MYO6: variants seen among roughly 807,000 people sequenced by gnomAD.
MYO6 encodes the protein unconventional myosin-VI.
MYO6 carries 74 observed loss-of-function variants against 178.7 expected under a neutral mutation model. The observed-to-expected ratio is 0.41, with a 90% CI of 0.34 to 0.50. The LOEUF (loss-of-function observed/expected upper bound fraction) is 0.50, where lower values mean the gene tolerates loss of function less well. MYO6 is among the 20% of genes least tolerant of loss of function. The pLI, the probability that MYO6 is intolerant of heterozygous loss-of-function variation, is 0.09. For synonymous variants in MYO6, 477 were observed against 504.6 expected (o/e 0.95, Z 0.73); for missense variants, 1,330 against 1,547.4 (o/e 0.86, Z 2.36).
intron 5 of MYO6, among the ~76,000 whole-genome samples, 172 bp downstream of exon 5, chr6:75,830,717 G>A (rs977872040): frequency 2.6e-5 from 4 of 152,208 alleles, no homozygotes; most frequent in African/African-American, 9.6e-5. Flanking sequence ...TACACAGGGT[G>A]AGGAAGAATA....
intron 20 of MYO6, among the ~76,000 whole-genome samples, chr6:75,874,539 A>T (rs1182287474): frequency 3.3e-5 from 5 of 152,072 alleles, no homozygotes; most frequent in Non-Finnish European, 7.4e-5. Context: ...TCTGCCTACC[A>T]CTTAACCTTC....
intron 1 of MYO6, among the ~76,000 whole-genome samples, chr6:75,764,622 GGATCTCA>G (rs1778244181): frequency 6.6e-6 from 1 of 152,000 alleles, no homozygotes; most frequent in Non-Finnish European, 1.5e-5. Flanking sequence ...TTTGATCAGT[GGATCTCA>G]GGTCTCAGGA....
intron 14 of MYO6, among the ~76,000 whole-genome samples, chr6:75,859,502 T>G (rs1195723827): frequency 6.6e-6 from 1 of 150,954 alleles, no homozygotes; most frequent in Non-Finnish European, 1.5e-5. Flanking sequence ...GTTTCACAAT[T>G]TTGGCTAGGC....
intron 1 of MYO6, among the ~76,000 whole-genome samples, chr6:75,778,630 C>G (rs1209385030): frequency 6.6e-6 from 1 of 151,574 alleles, no homozygotes; most frequent in Non-Finnish European, 1.5e-5. Context: ...CTGCCTTTTT[C>G]TAATTTCCCG....
At chr6:75,769,844 G>A (rs1257780267) in intron 1 of MYO6, among the ~76,000 whole-genome samples, 1 of 152,172 alleles carries the variant, frequency 6.6e-6, no homozygotes, top group African/African-American at 2.4e-5. Flanking sequence ...AGGTTTCAGT[G>A]AGCTGAGATC....
chr6:75,914,472 T>G (rs1300439505), intron 34 of MYO6, among the ~76,000 whole-genome samples, 191 bp downstream of exon 34: 1 of 152,232 alleles, frequency 6.6e-6, no homozygotes, highest in Non-Finnish European at 1.5e-5. Context: ...TTGGATTAAA[T>G]TATGTTCTTA....
rs1321917038 is a variant in MYO6 at position 75,917,632 on chromosome 6, T to C, written c.*2620T>C. 6.6e-6 allele frequency: 1 copy of C among 152,312 alleles called. No individual in the cohort carries two copies. Among genetic ancestry groups the C allele is most frequent in the Non-Finnish European group, 1.5e-5 (1 of 68,044 alleles). The allele number at this position is 152,312 out of a possible 1,614,324, so 9.4% of individuals were successfully genotyped here. ...GGGCCACACAAAGGCATTCTATTGT[T>C]ATGCTCATTCTGCTTCTGTAATGAC... On this transcript the variant is annotated 3_prime_UTR_variant, in exon 35 of 35. Transcript: ENST00000369977.
chr6:75,915,269 CT>C lies in MYO6; in HGVS notation c.*258del. 4.0e-6 allele frequency: 2 copies of C among 505,686 alleles called. No individual in the cohort carries two copies. The highest frequency in any genetic ancestry group is 3.6e-6 in the Non-Finnish European group (1 of 278,380). 31.3% of individuals were successfully genotyped at this position (505,686 alleles called of 1,614,324 possible). On this transcript the variant is annotated 3_prime_UTR_variant, in exon 35 of 35. Transcript: ENST00000369977. ...TCTAACTATTACACATGGGCATATT[CT>C]GATGTTTCTCATCCTTTGCCAGAAG...
intron 1 of MYO6, among the ~76,000 whole-genome samples, chr6:75,758,563 C>A (rs1254642912): frequency 6.6e-6 from 1 of 151,968 alleles, no homozygotes; most frequent in Admixed American, 6.6e-5. Context: ...TGGGTTCACG[C>A]CATTCTCCTG....
intron 20 of MYO6, among the ~76,000 whole-genome samples, chr6:75,873,877 C>T (rs1201113104): frequency 5.9e-5 from 9 of 152,162 alleles, no homozygotes; most frequent in Non-Finnish European, 1.2e-4. Context: ...CTTCCTACCC[C>T]TCACCCTGCC....
At chr6:75,753,455 G>GTGTGTGTGTGTGTA (rs370647728) in intron 1 of MYO6, among the ~76,000 whole-genome samples, 70 of 140,050 alleles carry the variant, frequency 5.0e-4, no homozygotes, top group African/African-American at 1.8e-3. Flanking sequence ...GTGTGTGTGT[G>GTGTGTGTGTGTGTA]TATATATATA....
chr6:75,827,571 G>C (rs1436399361), intron 3 of MYO6, among the ~76,000 whole-genome samples: 1 of 152,142 alleles, frequency 6.6e-6, no homozygotes, highest in Non-Finnish European at 1.5e-5. Flanking sequence ...CTGGATTAGA[G>C]AGGAGAGAGA....
chr6:75,849,922 G>C (rs1260356323), intron 11 of MYO6, among the ~76,000 whole-genome samples: 3 of 152,056 alleles, frequency 2.0e-5, no homozygotes, highest in Admixed American at 6.6e-5. Flanking sequence ...TTGGAATTAG[G>C]AGCATAGATA....
At position 75,805,432 on chromosome 6, in the gene MYO6, A is replaced by G. The variant is rs1029177819; in HGVS notation, c.-47-12069A>G. On this transcript the variant is annotated intron_variant, in intron 1 of 34. Transcript: ENST00000369977. ...GTATTTAATACATAGATGTTATTGGAGTTATCATTGGAGATGCAGATAAAA... is the reference window on the plus strand; with the variant it reads ...GTATTTAATACATAGATGTTATTGGGGTTATCATTGGAGATGCAGATAAAA... 5.9e-5 allele frequency among the ~76,000 whole-genome samples: 9 copies of G among 152,158 alleles called. 1 individual carries two copies. Among genetic ancestry groups the G allele is most frequent in the Admixed American group, 2.6e-4 (4 of 15,272 alleles).
chr6:75,848,927 C>G (rs1774994561), intron 11 of MYO6, among the ~76,000 whole-genome samples: 1 of 151,822 alleles, frequency 6.6e-6, no homozygotes, highest in Middle Eastern at 3.2e-3. Flanking sequence ...TTAATTAGGG[C>G]AATTTAATAT....
chr6:75,839,650 G>A (rs1774016151), intron 7 of MYO6, among the ~76,000 whole-genome samples: 1 of 152,116 alleles, frequency 6.6e-6, no homozygotes, highest in Non-Finnish European at 1.5e-5. Flanking sequence ...GTAGAATCTA[G>A]TAACTCTTAT....
chr6:75,911,749 A>C (rs775713986), intron 33 of MYO6, 51 bp downstream of exon 33: 1 of 1,550,292 alleles, frequency 6.5e-7, no homozygotes, highest in Admixed American at 1.7e-5. Context: ...GGGTTAAAAT[A>C]CTTTACAAAG....
rs1777507980 is a variant in MYO6, at chr6:75,875,534, C to T, written c.2077+2234C>T. ...ACTCCTGGGCTCAAGTGATCCTCCT[C>T]CCTCAGCCTTCCAAAGTGATGGGAT... On this transcript the variant is annotated intron_variant, in intron 20 of 34. Coordinates refer to ENST00000369977, the MANE Select transcript of MYO6 (RefSeq NM_004999.4). Among the ~76,000 whole-genome samples, 4 of 152,180 alleles carry T rather than the reference C, an allele frequency of 2.6e-5. No individual in the cohort carries two copies. In the South Asian group the frequency reaches 8.3e-4, roughly 31 times the overall value.
rs765540471 is a variant in MYO6 at position 75,866,958 on chromosome 6, T to C, written c.1797T>C (p.Asp599=). ...ETTQFVEKNN[D]ALHMSLESLI... ...CCCAGTTTGTGGAGAAAAATAATGATGCTTTACATATGTCTCTTGAATCCT... is the reference window on the plus strand; with the variant it reads ...CCCAGTTTGTGGAGAAAAATAATGACGCTTTACATATGTCTCTTGAATCCT... Residue 599 remains aspartate (D), a synonymous_variant, in exon 18 of 35, where the codon GAT becomes GAC. Coordinates refer to ENST00000369977, the MANE Select transcript of MYO6 (RefSeq NM_004999.4). 1 of 1,614,042 alleles carries C rather than the reference T, an allele frequency of 6.2e-7. No homozygotes were observed. Among genetic ancestry groups the C allele is most frequent in the Non-Finnish European group, 8.5e-7 (1 of 1,179,950 alleles).
Sources: allele counts gnomAD v4.1 joint callset (sites outside exome capture counted in the v4.1 genomes callset), GRCh38; gene constraint gnomAD v4.1.1; transcripts MANE v1.5; gene names NCBI Gene and HGNC (gene_info 2026-07-23, HGNC 2026-07-21).